ATF7: variants seen among roughly 807,000 people sequenced by gnomAD.
The protein encoded by ATF7 is cyclic AMP-dependent transcription factor ATF-7.
In ATF7, 10 loss-of-function variants were observed where a neutral mutation model predicts 50.4. The ratio of observed to expected loss-of-function variants is 0.20; its 90% CI spans 0.12 to 0.34. The LOEUF is 0.34. ATF7 is among the 10% of genes least tolerant of loss of function. The pLI, the probability that ATF7 is intolerant of heterozygous loss-of-function variation, is 1.00. For missense variants in ATF7, 465 were observed against 613.9 expected, an observed-to-expected ratio of 0.76 and a Z score of 2.56; for synonymous variants, 201 against 226.4, an observed-to-expected ratio of 0.89 and a Z score of 1.01.
intron 7 of ATF7, 67 bp from the exon 8 acceptor site, chr12:53,532,690 TC>T (rs1412185633): frequency 8.2e-7 from 1 of 1,223,970 alleles, no homozygotes; most frequent in African/African-American, 1.5e-5. Flanking sequence ...GGCAACAGTT[TC>T]CCTAAAATGA....
At chr12:53,570,177 C>A (rs2137617213) in intron 2 of ATF7, among the ~76,000 whole-genome samples, 1 of 152,260 alleles carries the variant, frequency 6.6e-6, no homozygotes, top group African/African-American at 2.4e-5. Flanking sequence ...AAGTCTCTCA[C>A]CAGAGACATT....
intron 9 of ATF7, among the ~76,000 whole-genome samples, chr12:53,526,935 GA>G (rs1938511199): frequency 6.6e-6 from 1 of 151,730 alleles, no homozygotes; most frequent in Non-Finnish European, 1.5e-5. Flanking sequence ...AAGGCGGGTG[GA>G]TCACCTGAGG....
At chr12:53,538,241 G>A (rs74089617) in intron 4 of ATF7, among the ~76,000 whole-genome samples, 6,543 of 152,166 alleles carry the variant, frequency 0.043, 401 homozygotes, top group African/African-American at 0.13. Context: ...CTGGCCACTG[G>A]AGAGCTGTGA....
chr12:53,612,791 G>C (rs531174660), intron 1 of ATF7, among the ~76,000 whole-genome samples: 3 of 152,314 alleles, frequency 2.0e-5, no homozygotes, highest in African/African-American at 7.2e-5. Context: ...ATCACCTGCA[G>C]CCAGGAGTTC....
At chr12:53,601,774 G>A (rs951570632) in intron 1 of ATF7, among the ~76,000 whole-genome samples, 6 of 152,076 alleles carry the variant, frequency 3.9e-5, no homozygotes, top group Admixed American at 6.6e-5. Context: ...TGCTGCTTTC[G>A]GCCAGTGTTC....
At chr12:53,579,858 C>A (rs891627774) in intron 2 of ATF7, among the ~76,000 whole-genome samples, 2 of 152,172 alleles carry the variant, frequency 1.3e-5, no homozygotes, top group Non-Finnish European at 2.9e-5. Flanking sequence ...CACAGCCCAA[C>A]GGGGTTTTTT....
intron 6 of ATF7, among the ~76,000 whole-genome samples, chr12:53,534,093 C>T (rs781574494): frequency 5.9e-5 from 9 of 152,230 alleles, no homozygotes; most frequent in South Asian, 2.1e-4. Context: ...CTGGCTAACA[C>T]GGTGAAACCC....
At chr12:53,608,218 CAAAA>C (rs71444811) in intron 1 of ATF7, among the ~76,000 whole-genome samples, 2 of 89,046 alleles carry the variant, frequency 2.2e-5, no homozygotes, top group Non-Finnish European at 4.9e-5. Context: ...GACTCTGTCT[CAAAA>C]AAAAAAAAAA....
At chr12:53,587,131 C>T (rs1942719556) in intron 2 of ATF7, among the ~76,000 whole-genome samples, 1 of 152,138 alleles carries the variant, frequency 6.6e-6, no homozygotes. Flanking sequence ...CTTTGGGAGG[C>T]TGAGGAGGGC....
chr12:53,538,417 G>A (rs1235593405), intron 4 of ATF7, among the ~76,000 whole-genome samples: 2 of 152,164 alleles, frequency 1.3e-5, no homozygotes, highest in Non-Finnish European at 2.9e-5. Context: ...AGGTAGACAA[G>A]GGGTTTGGGG....
chr12:53,617,952 T>C (rs1055192482), intron 1 of ATF7, among the ~76,000 whole-genome samples: 11 of 151,058 alleles, frequency 7.3e-5, no homozygotes, highest in African/African-American at 1.2e-4. Flanking sequence ...AACAAAATAC[T>C]ATGATTTAAC....
At chr12:53,577,731 AG>A (rs1174703432) in intron 2 of ATF7, among the ~76,000 whole-genome samples, 2,998 of 145,278 alleles carry the variant, frequency 0.021, 103 homozygotes, top group African/African-American at 0.076. Context: ...AAAAAAAAAA[AG>A]AAAGAAAGAA....
intron 2 of ATF7, among the ~76,000 whole-genome samples, chr12:53,577,914 C>T (rs1460178633): frequency 2.0e-5 from 3 of 151,994 alleles, no homozygotes; most frequent in Non-Finnish European, 2.9e-5. Context: ...CATATCCAAA[C>T]TTCAGAAAAT....
At chr12:53,564,293 C>T (rs1843318) in intron 2 of ATF7, among the ~76,000 whole-genome samples, 82,867 of 151,598 alleles carry the variant, frequency 0.55, 23,387 homozygotes, top group East Asian at 0.96. Flanking sequence ...CAAGAATCAC[C>T]TGAACCCAGG....
At chr12:53,572,629 C>G (rs1190645666) in intron 2 of ATF7, among the ~76,000 whole-genome samples, 1 of 152,060 alleles carries the variant, frequency 6.6e-6, no homozygotes, top group Non-Finnish European at 1.5e-5. Flanking sequence ...TTTCAGTTAC[C>G]CATAGTCAAC....
intron 11 of ATF7, among the ~76,000 whole-genome samples, chr12:53,517,899 C>T (rs1315430271): frequency 6.6e-6 from 1 of 152,166 alleles, no homozygotes; most frequent in East Asian, 1.9e-4. Context: ...GAGTCTTGCT[C>T]TGTTGCCCAG....
At chr12:53,587,839 A>ATTT (rs1487043109) in intron 2 of ATF7, among the ~76,000 whole-genome samples, 2 of 62,992 alleles carry the variant, frequency 3.2e-5, no homozygotes, top group East Asian at 5.6e-4. Context: ...ATATATATAT[A>ATTT]TATATTTTTT....
intron 2 of ATF7, among the ~76,000 whole-genome samples, chr12:53,591,771 G>A (rs1942946057): frequency 6.6e-6 from 1 of 152,220 alleles, no homozygotes; most frequent in Non-Finnish European, 1.5e-5. Flanking sequence ...ATGGCTCTTT[G>A]AGAGACCATG....
chr12:53,603,604 C>A (rs1015696804), intron 1 of ATF7, among the ~76,000 whole-genome samples: 1 of 151,908 alleles, frequency 6.6e-6, no homozygotes, highest in Non-Finnish European at 1.5e-5. Context: ...ATTCTTAAAT[C>A]TTTCCCTCAA....
Sources: gnomAD v4.1 joint callset for allele counts (sites outside exome capture counted in the v4.1 genomes callset) on GRCh38, gnomAD v4.1.1 for gene constraint, MANE v1.5 for transcripts, NCBI Gene and HGNC (gene_info 2026-07-23, HGNC 2026-07-21) for gene names.